Variants in MRAP2 observed in about 807,000 individuals in gnomAD.
MRAP2 encodes melanocortin 2 receptor accessory protein 2.
Under a neutral mutation model 17.4 loss-of-function variants are expected in MRAP2, and 20 were observed. The observed-to-expected ratio is 1.15, with a 90% CI of 0.81 to 1.67. MRAP2 has a LOEUF of 1.67. MRAP2 is among the 40% of genes most tolerant of loss of function. The pLI is 0.00. For synonymous variants in MRAP2, 96 were observed against 88.4 expected (o/e 1.09, Z -0.48); for missense variants, 238 against 240.0 (o/e 0.99, Z 0.05).
At position 84,062,895 on chromosome 6, in the gene MRAP2, T is replaced by A; in HGVS notation, c.130T>A (p.Ser44Thr). The A allele has an allele frequency of 1.2e-6, 2 of 1,614,204 alleles. No homozygotes were observed. Among genetic ancestry groups the A allele is most frequent in the Non-Finnish European group, 1.7e-6 (2 of 1,180,008 alleles). Residue 44 changes from serine to threonine, a missense_variant and splice_region_variant, in exon 3 of 4, where the codon TCC (serine) becomes ACC (threonine). Ser to Thr is a moderately conservative substitution (Grantham distance 58). Coordinates refer to ENST00000257776, the MANE Select transcript of MRAP2 (RefSeq NM_138409.4). ...TCCCAGAATTAACTGTCTTTCAGAT[T>A]CCATTGTGATTGGATTTTGGGTTGG... is the stretch of plus-strand genomic sequence containing the variant. ...SFEGLKAHKY[S>T]IVIGFWVGLA...
At chr6:84,040,671 G>A (rs975445051) in intron 1 of MRAP2, among the ~76,000 whole-genome samples, 1 of 152,176 alleles carries the variant, frequency 6.6e-6, no homozygotes, top group African/African-American at 2.4e-5. Context: ...TGAGGAATTT[G>A]TTGGTAACTG....
chr6:84,042,927 G>A (rs111905037), intron 1 of MRAP2, among the ~76,000 whole-genome samples: 41 of 152,288 alleles, frequency 2.7e-4, no homozygotes, highest in African/African-American at 8.7e-4. Flanking sequence ...GGAAATACCT[G>A]GTACCTCTCC....
At chr6:84,060,401 C>T (rs569136868) in intron 2 of MRAP2, among the ~76,000 whole-genome samples, 1 of 152,144 alleles carries the variant, frequency 6.6e-6, no homozygotes, top group Non-Finnish European at 1.5e-5. Flanking sequence ...GGGAGTCAGT[C>T]CACCATTTGC....
At chr6:84,051,682 C>T (rs770247852) in intron 1 of MRAP2, among the ~76,000 whole-genome samples, 79 of 152,140 alleles carry the variant, frequency 5.2e-4, no homozygotes, top group Non-Finnish European at 1.1e-3. Flanking sequence ...GTGATCATAC[C>T]ATCGCATTCC....
the MRAP2 span, among the ~76,000 whole-genome samples, chr6:84,125,511 G>A: frequency 1.8e-3 from 268 of 152,212 alleles, 1 homozygote; most frequent in African/African-American, 5.7e-3. Context: ...AACCCTTAAT[G>A]TGACTGTATG....
chr6:84,049,407 A>G (rs2099489823), intron 1 of MRAP2, among the ~76,000 whole-genome samples: 1 of 152,128 alleles, frequency 6.6e-6, no homozygotes, highest in African/African-American at 2.4e-5. Flanking sequence ...CCTGGGTGAC[A>G]GAGGGAGACT....
At chr6:84,135,447 G>A in the MRAP2 span, among the ~76,000 whole-genome samples, 1 of 152,168 alleles carries the variant, frequency 6.6e-6, no homozygotes, top group Non-Finnish European at 1.5e-5. Flanking sequence ...GCGTAGCCCA[G>A]AGACAGACTG....
downstream of MRAP2, among the ~76,000 whole-genome samples, chr6:84,092,156 T>G (rs1370237847): frequency 6.6e-6 from 1 of 152,200 alleles, no homozygotes; most frequent in Admixed American, 6.5e-5. Flanking sequence ...TTCTCTCTTA[T>G]AAGGACCTTT....
chr6:84,072,676 A>G (rs923260349), intron 3 of MRAP2, among the ~76,000 whole-genome samples: 1 of 152,064 alleles, frequency 6.6e-6, no homozygotes, highest in Non-Finnish European at 1.5e-5. Flanking sequence ...ACCACGGTGG[A>G]TAGGGAAGGA....
chr6:84,035,753 A>G (rs2099485812), intron 1 of MRAP2, among the ~76,000 whole-genome samples: 1 of 152,080 alleles, frequency 6.6e-6, no homozygotes, highest in Non-Finnish European at 1.5e-5. Flanking sequence ...TACCTTGCAG[A>G]TTATGTCATC....
chr6:84,116,898 T>G, the MRAP2 span, among the ~76,000 whole-genome samples: 1,003 of 152,276 alleles, frequency 6.6e-3, 7 homozygotes, highest in African/African-American at 0.023. Context: ...CCAGTATTTT[T>G]TTGAGAATTT....
the MRAP2 span, among the ~76,000 whole-genome samples, chr6:84,126,834 T>C: frequency 6.6e-6 from 1 of 152,180 alleles, no homozygotes; most frequent in East Asian, 1.9e-4. Flanking sequence ...GTTAGTAAGA[T>C]GGTTACTTTC....
chr6:84,126,099 AGGGTAAGATGT>A, the MRAP2 span, among the ~76,000 whole-genome samples: 1 of 152,166 alleles, frequency 6.6e-6, no homozygotes, highest in East Asian at 1.9e-4. Context: ...CCTTGTTCCC[AGGGTAAGATGT>A]GTAAGTTTTT....
the MRAP2 span, among the ~76,000 whole-genome samples, chr6:84,104,741 G>A: frequency 5.9e-5 from 9 of 152,104 alleles, no homozygotes; most frequent in African/African-American, 1.2e-4. Flanking sequence ...GGTGGTGGGC[G>A]TCTGTAGTCC....
At chr6:84,064,825 C>G (rs2099494210) in intron 3 of MRAP2, among the ~76,000 whole-genome samples, 1 of 152,176 alleles carries the variant, frequency 6.6e-6, no homozygotes, top group Non-Finnish European at 1.5e-5. Context: ...TCATTTTTGC[C>G]TCACAGCCTG....
At chr6:84,061,959 A>T in intron 2 of MRAP2, 2 of 985,428 alleles carry the variant, frequency 2.0e-6, no homozygotes, top group Non-Finnish European at 2.4e-6. Context: ...GCAGGTTTGT[A>T]CAGAAATAAA....
At chr6:84,114,862 C>T in the MRAP2 span, among the ~76,000 whole-genome samples, 1 of 152,298 alleles carries the variant, frequency 6.6e-6, no homozygotes, top group South Asian at 2.1e-4. Context: ...GTTTGTTGGA[C>T]ATCCACTGCA....
intron 1 of MRAP2, among the ~76,000 whole-genome samples, chr6:84,043,822 T>TA (rs2099488285): frequency 1.3e-5 from 2 of 152,326 alleles, no homozygotes; most frequent in African/African-American, 4.8e-5. Flanking sequence ...TAACAGTGTT[T>TA]AAAATATCCT....
At chr6:84,098,031 C>T in the MRAP2 span, among the ~76,000 whole-genome samples, 1 of 152,126 alleles carries the variant, frequency 6.6e-6, no homozygotes, top group African/African-American at 2.4e-5. Flanking sequence ...ACACAGTATA[C>T]AGTCAAGAAA....
Sources: gnomAD v4.1 joint callset for allele counts (sites outside exome capture counted in the v4.1 genomes callset) on GRCh38, gnomAD v4.1.1 for gene constraint, MANE v1.5 for transcripts, NCBI Gene and HGNC (gene_info 2026-07-23, HGNC 2026-07-21) for gene names.